ANXA4: variants seen among roughly 807,000 people sequenced by gnomAD.
The protein encoded by ANXA4 is 35-beta calcimedin.
In ANXA4, 39 loss-of-function variants were observed where a neutral mutation model predicts 49.8. The observed-to-expected ratio is 0.78, with a 90% CI of 0.61 to 1.02. ANXA4 has a LOEUF of 1.02. Ranked by LOEUF, ANXA4 falls within the 50% of genes least tolerant of loss-of-function variation. The pLI is 0.00. For synonymous variants in ANXA4, 134 were observed against 152.5 expected, an observed-to-expected ratio of 0.88 and a Z score of 0.89; for missense variants, 360 against 410.1, an observed-to-expected ratio of 0.88 and a Z score of 1.05.
intron 2 of ANXA4, among the ~76,000 whole-genome samples, chr2:69,714,010 G>A (rs1290511660): frequency 2.0e-5 from 3 of 152,208 alleles, no homozygotes; most frequent in Non-Finnish European, 2.9e-5. Flanking sequence ...AAGAGAATGG[G>A]GCAGAACATT....
intron 2 of ANXA4, among the ~76,000 whole-genome samples, chr2:69,718,847 C>T (rs946262779): frequency 7.2e-5 from 11 of 152,008 alleles, no homozygotes; most frequent in Non-Finnish European, 1.6e-4. Flanking sequence ...CATGCACACA[C>T]ATACATGCAT....
chr2:69,795,833 A>G (rs1000720592), intron 3 of ANXA4, among the ~76,000 whole-genome samples: 2 of 152,162 alleles, frequency 1.3e-5, no homozygotes, highest in African/African-American at 2.4e-5. Flanking sequence ...CATATTTAAG[A>G]AGGCATGTGT....
intron 2 of ANXA4, among the ~76,000 whole-genome samples, chr2:69,653,609 T>G (rs1486752872): frequency 2.0e-5 from 3 of 152,254 alleles, no homozygotes; most frequent in Non-Finnish European, 2.9e-5. Context: ...GTGACACCAT[T>G]TCCTAAACCA....
At chr2:69,654,277 TC>T (rs1676356884) in intron 2 of ANXA4, among the ~76,000 whole-genome samples, 1 of 152,234 alleles carries the variant, frequency 6.6e-6, no homozygotes, top group African/African-American at 2.4e-5. Context: ...ACTCTTTATT[TC>T]TTTCTATTGC....
intron 8 of ANXA4, chr2:69,815,794 T>G: frequency 3.2e-6 from 1 of 307,796 alleles, no homozygotes. Context: ...CACATGTGGT[T>G]AGTGGCAACT....
Position 69,788,073 on chromosome 2 carries a change from T to C in ANXA4, c.29T>C (p.Val10Ala). ...GCTCAGGCAACCAAAGGAGGTACTG[T>C]CAAAGCTGCTTCAGGATTCAATGCC... MAMATKGGT[V>A]KAASGFNAME... The change falls in exon 3 of 13, where the codon GTC becomes GCC. Residue 10 changes from valine (V) to alanine (A), a missense_variant. Val to Ala is a moderately conservative substitution (Grantham distance 64). Transcript: ENST00000394295. The C allele has an allele frequency of 6.2e-7, 1 of 1,613,902 alleles. No homozygotes were observed. The highest frequency in any genetic ancestry group is 1.3e-5 in the African/African-American group (1 of 75,024).
chr2:69,826,637 T>C lies in ANXA4; in HGVS notation c.*1122T>C, dbSNP rs1445565477. On this transcript the variant is annotated 3_prime_UTR_variant, in exon 13 of 13. Transcript: ENST00000394295. Reference sequence around the variant, plus strand: ...GCATCTCTACTAAAAATATAAAAATTAGCCGGGTGTGGTGGCTGGTGCCTG... The same window carrying C: ...GCATCTCTACTAAAAATATAAAAATCAGCCGGGTGTGGTGGCTGGTGCCTG... The C allele has an allele frequency of 6.6e-6, 1 of 152,092 alleles. No individual in the cohort carries two copies. Among genetic ancestry groups the C allele is most frequent in the African/African-American group, 2.4e-5 (1 of 41,398 alleles). 9.4% of individuals were successfully genotyped at this position (152,092 alleles called of 1,614,324 possible). A position where few individuals can be genotyped will look rare whatever the true frequency, so the allele number is the denominator to read the frequency against.
chr2:69,723,640 G>C (rs4852944), intron 3 of ANXA4, among the ~76,000 whole-genome samples: 82,189 of 152,098 alleles, frequency 0.54, 23,256 homozygotes, highest in African/African-American at 0.67. Context: ...TTCTTATGCC[G>C]TTTATCTATA....
intron 2 of ANXA4, among the ~76,000 whole-genome samples, chr2:69,683,501 G>A (rs941662127): frequency 6.6e-6 from 1 of 152,156 alleles, no homozygotes; most frequent in Non-Finnish European, 1.5e-5. Flanking sequence ...TCATTATCTT[G>A]TTTTGATAGG....
chr2:69,732,767 A>C (rs1670139926), intron 3 of ANXA4, among the ~76,000 whole-genome samples: 1 of 149,998 alleles, frequency 6.7e-6, no homozygotes, highest in Non-Finnish European at 1.5e-5. Flanking sequence ...TCAAAAAAAG[A>C]AAAAAAAAAG....
intron 2 of ANXA4, among the ~76,000 whole-genome samples, chr2:69,672,562 TAATA>T (rs1677230790): frequency 1.3e-5 from 2 of 152,126 alleles, no homozygotes; most frequent in African/African-American, 4.8e-5. Context: ...ATTATGTATC[TAATA>T]AATACATTAT....
chr2:69,773,306 G>T (rs2105566374), intron 1 of ANXA4, among the ~76,000 whole-genome samples: 1 of 152,268 alleles, frequency 6.6e-6, no homozygotes, highest in African/African-American at 2.4e-5. Flanking sequence ...ATTAAAGCTT[G>T]CCTCTTTTGG....
At chr2:69,792,543 T>C (rs1672735713) in intron 3 of ANXA4, among the ~76,000 whole-genome samples, 2 of 152,182 alleles carry the variant, frequency 1.3e-5, no homozygotes, top group Admixed American at 1.3e-4. Context: ...AAAAAAACCA[T>C]ATAATGCCCT....
chr2:69,825,041 T>C (rs1461791410), intron 12 of ANXA4, among the ~76,000 whole-genome samples: 1 of 119,120 alleles, frequency 8.4e-6, no homozygotes, highest in East Asian at 2.5e-4. Flanking sequence ...CACTCCAGCC[T>C]GGGTGACAGA....
chr2:69,666,172 C>T (rs914163982), intron 2 of ANXA4, among the ~76,000 whole-genome samples: 1 of 152,178 alleles, frequency 6.6e-6, no homozygotes, highest in African/African-American at 2.4e-5. Flanking sequence ...CCATTGCACT[C>T]CAGTGTGGGC....
intron 3 of ANXA4, among the ~76,000 whole-genome samples, chr2:69,789,754 G>GT (rs997302712): frequency 2.6e-5 from 4 of 152,194 alleles, no homozygotes; most frequent in East Asian, 1.9e-4. Context: ...ATAGAGCAGA[G>GT]TTTTTTTAAA....
intron 3 of ANXA4, among the ~76,000 whole-genome samples, chr2:69,729,525 G>A (rs1670043458): frequency 6.6e-6 from 1 of 152,210 alleles, no homozygotes. Context: ...ACTTAGGGGT[G>A]GTGCTACAGG....
At chr2:69,823,092 ATTG>A (rs762144142) in intron 12 of ANXA4, among the ~76,000 whole-genome samples, 265 of 149,908 alleles carry the variant, frequency 1.8e-3, no homozygotes, top group Non-Finnish European at 3.0e-3. Context: ...TTTATTATAT[ATTG>A]TTATTACTAT....
intron 2 of ANXA4, among the ~76,000 whole-genome samples, chr2:69,695,902 T>A (rs1678144582): frequency 6.8e-6 from 1 of 148,028 alleles, no homozygotes; most frequent in Non-Finnish European, 1.5e-5. Context: ...TTAAAAATAC[T>A]TTTTTGCTAA....
Sources: allele counts gnomAD v4.1 joint callset (sites outside exome capture counted in the v4.1 genomes callset), GRCh38; gene constraint gnomAD v4.1.1; transcripts MANE v1.5; gene names NCBI Gene and HGNC (gene_info 2026-07-23, HGNC 2026-07-21).